The following AKNA variants were observed in gnomAD, a reference collection of about 807,000 sequenced individuals.
AKNA encodes microtubule organization protein AKNA.
A neutral mutation model predicts 138.8 loss-of-function variants in AKNA; 67 were observed. The observed-to-expected ratio is 0.48, with a 90% CI of 0.40 to 0.59. The LOEUF is 0.59. Ranked by LOEUF, AKNA falls within the 20% of genes least tolerant of loss-of-function variation. The pLI, the probability that AKNA is intolerant of heterozygous loss-of-function variation, is 0.00. For missense variants in AKNA, 1,813 were observed against 1,880.4 expected (o/e 0.96, Z 0.66); for synonymous variants, 737 against 754.4 (o/e 0.98, Z 0.38).
chr9:114,360,154 T>A, intron 9 of AKNA, 92 bp from the exon 10 acceptor site: 1 of 1,535,596 alleles, frequency 6.5e-7, no homozygotes, highest in African/African-American at 1.4e-5. Flanking sequence ...AGCTGTGGGC[T>A]GCGGGGTAAG....
upstream of AKNA, among the ~76,000 whole-genome samples, chr9:114,397,096 T>C (rs1834557972): frequency 6.6e-6 from 1 of 152,116 alleles, no homozygotes; most frequent in Non-Finnish European, 1.5e-5. Flanking sequence ...CAATCACATG[T>C]TTTAAATGCA....
chr9:114,344,360 C>T (rs112336225), intron 18 of AKNA: 3,935 of 153,720 alleles, frequency 0.026, 187 homozygotes, highest in African/African-American at 0.09. Context: ...TCGTGCTCCG[C>T]CCAGTGCCTG....
downstream of AKNA, chr9:114,331,475 T>C: frequency 9.8e-7 from 1 of 1,021,366 alleles, no homozygotes; most frequent in South Asian, 1.5e-5. Context: ...ATGGGCTTTG[T>C]GGCCCCGGAC....
chr9:114,376,857 G>A lies in AKNA; in HGVS notation c.950C>T (p.Pro317Leu), dbSNP rs141374728. The A allele has an allele frequency of 5.0e-4, 800 of 1,614,036 alleles. No homozygotes were observed. Among genetic ancestry groups the A allele is most frequent in the Middle Eastern group, 6.6e-4 (4 of 6,084 alleles). The change falls in exon 3 of 22, where the codon CCC (proline) becomes CTC (leucine). Residue 317 changes from proline to leucine, a missense_variant. By Grantham distance (98) the Pro-to-Leu change is moderately conservative (BLOSUM62 -3). Coordinates refer to ENST00000374088, the MANE Select transcript of AKNA (RefSeq NM_001317950.2). Reference protein sequence around the residue: ...LPSRFIGSISPLNPQPRPTRQ... With the variant: ...LPSRFIGSISLLNPQPRPTRQ... ...CGTTGGCCTGGGCTGGGGATTCAGG[G>A]GGCTGATGGAGCCAATGAATCGGGA...
chr9:114,371,554 A>G (rs1052594050), intron 4 of AKNA, among the ~76,000 whole-genome samples: 1 of 152,262 alleles, frequency 6.6e-6, no homozygotes, highest in African/African-American at 2.4e-5. Flanking sequence ...TGTAGGTTTC[A>G]GTCCCAGCTT....
chr9:114,346,510 G>A (rs763355736), intron 17 of AKNA, among the ~76,000 whole-genome samples, 159 bp downstream of exon 17: 1 of 152,286 alleles, frequency 6.6e-6, no homozygotes, highest in Non-Finnish European at 1.5e-5. Context: ...CAGGACTTTA[G>A]AAGTGCTCTG....
Position 114,368,466 on chromosome 9 carries a change from C to A in AKNA, c.1546G>T (p.Glu516Ter). ...RSAEWWPGPA[E>*]DPQASAASGW... ...GAGGCCGCAGAGGCCTGGGGGTCCTCGGCCGGGCCCGGCCACCACTCTGCA... is the reference window on the plus strand; with the variant it reads ...GAGGCCGCAGAGGCCTGGGGGTCCTAGGCCGGGCCCGGCCACCACTCTGCA... Residue 516 changes from glutamate to a stop codon, truncating the protein, a stop_gained, in exon 5 of 22, where the codon GAG (glutamate) becomes TAG (stop). Coordinates refer to ENST00000374088, the MANE Select transcript of AKNA (RefSeq NM_001317950.2). LOFTEE classifies it high-confidence loss of function. 1 of 1,322,874 alleles carries A rather than the reference C, an allele frequency of 7.6e-7. No homozygotes were observed. The highest frequency in any genetic ancestry group is 9.7e-7 in the Non-Finnish European group (1 of 1,025,846). The allele number at this position is 1,322,874 out of a possible 1,614,324, so 81.9% of individuals were successfully genotyped here. A position where few individuals can be genotyped will look rare whatever the true frequency, so the allele number is the denominator to read the frequency against.
At position 114,376,827 on chromosome 9, in the gene AKNA, T is replaced by C. The variant is rs973361501; in HGVS notation, c.980A>G (p.Gln327Arg). Reference sequence around the variant, plus strand: ...TCCCTGTCTGGGCAGCGGCCTGCCCTGCCGCGTTGGCCTGGGCTGGGGATT... The same window carrying C: ...TCCCTGTCTGGGCAGCGGCCTGCCCCGCCGCGTTGGCCTGGGCTGGGGATT... ...PLNPQPRPTR[Q>R]GRPLPRQGAT... Residue 327 changes from glutamine (Q) to arginine (R), a missense_variant, in exon 3 of 22, where the codon CAG becomes CGG. By Grantham distance (43) the Gln-to-Arg change is conservative. Coordinates refer to ENST00000374088, the MANE Select transcript of AKNA (RefSeq NM_001317950.2). 1 of 1,613,058 alleles carries C rather than the reference T, an allele frequency of 6.2e-7. No homozygotes were observed. The highest frequency in any genetic ancestry group is 1.1e-5 in the South Asian group (1 of 90,998).
chr9:114,385,141 AC>A, intron 1 of AKNA, among the ~76,000 whole-genome samples: 1 of 152,184 alleles, frequency 6.6e-6, no homozygotes, highest in Admixed American at 6.5e-5. Context: ...AGCATGAGCC[AC>A]CCACCCAGCT....
At chr9:114,368,622 G>A (rs369312946) in intron 4 of AKNA, 27 bp from the exon 5 acceptor site, 28 of 1,349,404 alleles carry the variant, frequency 2.1e-5, no homozygotes, top group Non-Finnish European at 2.6e-5. Flanking sequence ...GCACAGCACA[G>A]CCAAGTCAGG....
chr9:114,393,337 T>A (rs970204490), intron 1 of AKNA, among the ~76,000 whole-genome samples: 11 of 150,782 alleles, frequency 7.3e-5, no homozygotes, highest in Non-Finnish European at 8.8e-5. Context: ...TGCCTCAGCC[T>A]CCTGAGTAGC....
At chr9:114,353,853 G>A (rs1424649765) in intron 14 of AKNA, among the ~76,000 whole-genome samples, 1 of 152,206 alleles carries the variant, frequency 6.6e-6, no homozygotes, top group African/African-American at 2.4e-5. Flanking sequence ...CACCTGTAAA[G>A]GGTCCTTACC....
intron 2 of AKNA, 33 bp downstream of exon 2, chr9:114,381,027 A>ACAC: frequency 6.9e-7 from 1 of 1,450,374 alleles, no homozygotes; most frequent in Non-Finnish European, 9.0e-7. Flanking sequence ...TGGGGACAGG[A>ACAC]CACCACTGTA....
At chr9:114,355,578 G>A (rs559271847) in intron 14 of AKNA, among the ~76,000 whole-genome samples, 60 of 152,256 alleles carry the variant, frequency 3.9e-4, no homozygotes, top group Middle Eastern at 3.4e-3. Flanking sequence ...CTGCAACATC[G>A]CAACCAAAGG....
chr9:114,383,435 A>G (rs1833826021), intron 1 of AKNA, among the ~76,000 whole-genome samples: 1 of 152,184 alleles, frequency 6.6e-6, no homozygotes, highest in Admixed American at 6.5e-5. Context: ...GCTCCCTGCC[A>G]TGGAGGGTTC....
chr9:114,371,436 A>C (rs1832762298), intron 4 of AKNA, among the ~76,000 whole-genome samples: 1 of 152,262 alleles, frequency 6.6e-6, no homozygotes, highest in Non-Finnish European at 1.5e-5. Context: ...TATAACAGTC[A>C]TCAATCCACC....
At chr9:114,379,551 A>C (rs561718316) in intron 2 of AKNA, among the ~76,000 whole-genome samples, 99 of 152,302 alleles carry the variant, frequency 6.5e-4, no homozygotes, top group Non-Finnish European at 1.0e-3. Flanking sequence ...ACTTTGAGTA[A>C]TGGCACAATC....
At position 114,334,690 on chromosome 9, in the gene AKNA, C is replaced by T. The variant is rs188374130; in HGVS notation, c.*2364G>A. The T allele has an allele frequency of 1.4e-5, 2 of 147,028 alleles. No individual in the cohort carries two copies. The highest frequency in any genetic ancestry group is 3.9e-4 in the East Asian group (2 of 5,184). 9.1% of individuals were successfully genotyped at this position (147,028 alleles called of 1,614,324 possible). ...TTACGTGAGGGAAGCAGCACCCCTTCCGTGGCAGAAAAGTTGGGCCTGAAT... is the reference window on the plus strand; with the variant it reads ...TTACGTGAGGGAAGCAGCACCCCTTTCGTGGCAGAAAAGTTGGGCCTGAAT... On this transcript the variant is annotated 3_prime_UTR_variant, in exon 22 of 22. Coordinates refer to ENST00000374088, the MANE Select transcript of AKNA (RefSeq NM_001317950.2).
chr9:114,359,990 T>G lies in AKNA; in HGVS notation c.2197A>C (p.Asn733His). The change falls in exon 10 of 22, where the codon AAC becomes CAC. Residue 733 changes from asparagine (N) to histidine (H), a missense_variant. Asn to His is a moderately conservative substitution (Grantham distance 68, BLOSUM62 1). Transcript: ENST00000374088. The stretch of plus-strand genomic sequence containing the variant: ...TGTGGCCTGTCCTCCACCTCACTGT[T>G]GCCAGAGCTCACCTCCACATTTACG... ...LHVNVEVSSGNSEVEDRPQDP... is the reference protein window; with the variant it reads ...LHVNVEVSSGHSEVEDRPQDP... 6.2e-7 allele frequency: 1 copy of G among 1,614,220 alleles called. No individual in the cohort carries two copies. The highest frequency in any genetic ancestry group is 8.5e-7 in the Non-Finnish European group (1 of 1,180,034).
Sources: gnomAD v4.1 joint callset for allele counts (sites outside exome capture counted in the v4.1 genomes callset) on GRCh38, gnomAD v4.1.1 for gene constraint, MANE v1.5 for transcripts, NCBI Gene and HGNC (gene_info 2026-07-23, HGNC 2026-07-21) for gene names.